The following RUNX2 variants were observed in gnomAD, a reference collection of about 807,000 sequenced individuals.
RUNX2 encodes the protein RUNX family transcription factor 2.
RUNX2 carries 10 observed loss-of-function variants against 51.7 expected under a neutral mutation model. The observed-to-expected ratio is 0.19, with a 90% CI of 0.12 to 0.33. The LOEUF is 0.33. Ranked by LOEUF, RUNX2 falls within the 10% of genes least tolerant of loss-of-function variation. The pLI, the probability that RUNX2 is intolerant of heterozygous loss-of-function variation, is 1.00. For synonymous variants in RUNX2, 276 were observed against 273.6 expected (o/e 1.01, Z -0.09); for missense variants, 562 against 691.3 (o/e 0.81, Z 2.10).
chr6:45,413,030 C>T (rs576586463), intron 2 of RUNX2, among the ~76,000 whole-genome samples: 230 of 151,946 alleles, frequency 1.5e-3, no homozygotes, highest in African/African-American at 5.3e-3. Flanking sequence ...GGATTACAGG[C>T]GTGAGCCACT....
At chr6:45,338,877 T>C (rs979153263) in intron 2 of RUNX2, among the ~76,000 whole-genome samples, 1 of 152,112 alleles carries the variant, frequency 6.6e-6, no homozygotes, top group African/African-American at 2.4e-5. Context: ...GACAGCCTCC[T>C]TAAATTTTGT....
At chr6:45,423,029 C>G in intron 3 of RUNX2, 72 bp downstream of exon 3, 1 of 1,562,050 alleles carries the variant, frequency 6.4e-7, no homozygotes, top group South Asian at 1.1e-5. Flanking sequence ...TTCCTGCCCA[C>G]GGGGCTGGGC....
intron 6 of RUNX2, among the ~76,000 whole-genome samples, chr6:45,511,793 C>T (rs866965277): frequency 2.4e-4 from 36 of 152,196 alleles, no homozygotes; most frequent in African/African-American, 8.2e-4. Context: ...TATGCAGCAG[C>T]GAAAGGCACA....
intron 2 of RUNX2, among the ~76,000 whole-genome samples, chr6:45,403,684 T>C (rs1797769504): frequency 6.6e-6 from 1 of 152,210 alleles, no homozygotes; most frequent in Non-Finnish European, 1.5e-5. Flanking sequence ...GCCCATTATG[T>C]GTGAGTCACT....
In RUNX2 at chr6:45,549,616, C is replaced by A; in HGVS notation, c.*2311C>A. On this transcript the variant is annotated 3_prime_UTR_variant, in exon 9 of 9. Transcript: ENST00000647337. ...AAGTGTAAAATATGTGTGTTTGTTT[C>A]AGCAGCACTTAAAAAAGCCAGTGTC... 2.7e-6 allele frequency: 1 copy of A among 374,132 alleles called. No homozygotes were observed. Among genetic ancestry groups the A allele is most frequent in the Non-Finnish European group, 4.7e-6 (1 of 211,072 alleles). The allele number at this position is 374,132 out of a possible 1,614,324, so 23.2% of individuals were successfully genotyped here.
intron 7 of RUNX2, among the ~76,000 whole-genome samples, chr6:45,542,079 A>G (rs974367607): frequency 2.0e-5 from 3 of 152,162 alleles, no homozygotes; most frequent in Non-Finnish European, 4.4e-5. Flanking sequence ...GATAAGCAGC[A>G]TTCGAAAACA....
At chr6:45,394,183 C>T (rs1797534581) in intron 2 of RUNX2, among the ~76,000 whole-genome samples, 1 of 152,110 alleles carries the variant, frequency 6.6e-6, no homozygotes, top group South Asian at 2.1e-4. Context: ...GCTAGGATTA[C>T]AGGCGTGAGC....
At chr6:45,356,635 C>G in intron 2 of RUNX2, among the ~76,000 whole-genome samples, 1 of 151,958 alleles carries the variant, frequency 6.6e-6, no homozygotes, top group East Asian at 1.9e-4. Flanking sequence ...TCCTGACTGA[C>G]CTCAAGTGAT....
chr6:45,520,127 C>T (rs568252478), intron 7 of RUNX2, among the ~76,000 whole-genome samples: 6 of 152,072 alleles, frequency 3.9e-5, no homozygotes, highest in African/African-American at 7.2e-5. Flanking sequence ...CCACTGCACC[C>T]GACCGGATGC....
At chr6:45,425,206 A>C (rs1798351349) in intron 3 of RUNX2, among the ~76,000 whole-genome samples, 2 of 152,226 alleles carry the variant, frequency 1.3e-5, no homozygotes, top group South Asian at 2.1e-4. Flanking sequence ...ATTCTGCTAA[A>C]CATATTTAAG....
intron 7 of RUNX2, among the ~76,000 whole-genome samples, chr6:45,519,315 C>T (rs564305544): frequency 1.4e-4 from 22 of 152,260 alleles, no homozygotes; most frequent in Admixed American, 2.6e-4. Flanking sequence ...TACCATCTCC[C>T]ACTTTCTCCT....
At chr6:45,475,345 A>C (rs1449154903) in intron 5 of RUNX2, among the ~76,000 whole-genome samples, 3 of 152,138 alleles carry the variant, frequency 2.0e-5, no homozygotes, top group Admixed American at 1.3e-4. Flanking sequence ...AAGATTAGAA[A>C]TTAGACTTAT....
intron 5 of RUNX2, among the ~76,000 whole-genome samples, chr6:45,455,233 C>A (rs535573505): frequency 3.3e-5 from 5 of 152,334 alleles, no homozygotes; most frequent in African/African-American, 9.6e-5. Context: ...ATTATTTGTA[C>A]AATAGCATCT....
intron 8 of RUNX2, among the ~76,000 whole-genome samples, 166 bp from the exon 9 acceptor site, chr6:45,546,661 G>A (rs898051477): frequency 1.1e-4 from 17 of 152,104 alleles, no homozygotes; most frequent in Non-Finnish European, 2.2e-4. Flanking sequence ...TGCAAAGTGG[G>A]GGAAAAAGAC....
intron 2 of RUNX2, among the ~76,000 whole-genome samples, chr6:45,384,939 C>T (rs1364443933): frequency 1.3e-5 from 2 of 152,000 alleles, no homozygotes; most frequent in African/African-American, 2.4e-5. Flanking sequence ...CCTGGCCTCA[C>T]GTCATCTTCC....
chr6:45,517,245 G>GATCATAGC (rs1435855730), intron 7 of RUNX2, among the ~76,000 whole-genome samples: 1 of 152,038 alleles, frequency 6.6e-6, no homozygotes, highest in African/African-American at 2.4e-5. Context: ...GCAGAGGCGT[G>GATCATAGC]ATCATAGCTC....
chr6:45,398,305 A>G (rs1466246214), intron 2 of RUNX2, among the ~76,000 whole-genome samples: 2 of 152,196 alleles, frequency 1.3e-5, no homozygotes, highest in Non-Finnish European at 2.9e-5. Context: ...GATCACAATA[A>G]GTGCTCAGTA....
chr6:45,403,041 G>C (rs1797748709), intron 2 of RUNX2, among the ~76,000 whole-genome samples: 1 of 151,902 alleles, frequency 6.6e-6, no homozygotes, highest in Admixed American at 6.6e-5. Context: ...ATACTCAATG[G>C]ACATTTTTCT....
intron 7 of RUNX2, among the ~76,000 whole-genome samples, chr6:45,522,940 A>C (rs1424865104): frequency 6.6e-6 from 1 of 152,216 alleles, no homozygotes; most frequent in African/African-American, 2.4e-5. Context: ...TGGTCTCACT[A>C]TGCAATATGT....
Sources: allele counts gnomAD v4.1 joint callset (sites outside exome capture counted in the v4.1 genomes callset), GRCh38; gene constraint gnomAD v4.1.1; transcripts MANE v1.5; gene names NCBI Gene and HGNC (gene_info 2026-07-23, HGNC 2026-07-21).